NT5C3A: variants seen among roughly 807,000 people sequenced by gnomAD.
The protein encoded by NT5C3A is cytosolic 5'-nucleotidase 3A.
In NT5C3A, 23 loss-of-function variants were observed where a neutral mutation model predicts 40.0. That is an observed-to-expected ratio of 0.58 (90% CI 0.41 to 0.81). The LOEUF (loss-of-function observed/expected upper bound fraction) is 0.81. Among genes scored for constraint, NT5C3A ranks in the 40% least tolerant of loss-of-function variants. The pLI is 0.00. For synonymous variants in NT5C3A, 130 were observed against 141.4 expected (o/e 0.92, Z 0.57); for missense variants, 328 against 403.0 (o/e 0.81, Z 1.59).
Position 33,014,719 on chromosome 7 carries a change from A to T in NT5C3A, c.*11T>A, listed in dbSNP as rs1318115016. 8 of 1,611,164 alleles carry T rather than the reference A, an allele frequency of 5.0e-6. No individual in the cohort carries two copies. Among genetic ancestry groups the T allele is most frequent in the Non-Finnish European group, 6.8e-6 (8 of 1,179,196 alleles). ...ACCCACAGGAGAGAGGTCTTCTTGG[A>T]GAATGCTTGTTTATAGAATCTTCTG... On this transcript the variant is annotated 3_prime_UTR_variant, in exon 9 of 9. Transcript: ENST00000610140.
intron 1 of NT5C3A, among the ~76,000 whole-genome samples, chr7:33,056,071 T>C (rs978484148): frequency 2.6e-5 from 4 of 152,092 alleles, no homozygotes; most frequent in Non-Finnish European, 5.9e-5. Context: ...CATCATGTCA[T>C]TGCATTCCAG....
intron 1 of NT5C3A, chr7:33,045,840 G>C (rs1355192458): frequency 6.6e-6 from 1 of 152,030 alleles, no homozygotes; most frequent in Non-Finnish European, 1.5e-5. Context: ...TAGTACGGTG[G>C]CTATTCACAG....
Position 33,037,023 on chromosome 7 carries a change from G to A in NT5C3A, c.139-10108C>T, listed in dbSNP as rs556206860. ...GATGGGGTTTCACCATGTTGGCCAG[G>A]ATGGCCTCGATCTCCTGACCTCGTG... is the stretch of plus-strand genomic sequence containing the variant. On this transcript the variant is annotated intron_variant, in intron 1 of 8. Transcript: ENST00000610140. Among the ~76,000 whole-genome samples the A allele has an allele frequency of 5.0e-3, 765 of 152,178 alleles. 7 individuals carry two copies. The highest frequency in any genetic ancestry group is 7.8e-3 in the Non-Finnish European group (532 of 67,988).
chr7:33,032,406 G>A (rs1204636162), intron 1 of NT5C3A, among the ~76,000 whole-genome samples: 1 of 139,492 alleles, frequency 7.2e-6, no homozygotes, highest in Non-Finnish European at 1.5e-5. Context: ...CTGGGTGACA[G>A]AGTGAGACTC....
At chr7:33,039,181 ACAAGT>A (rs1037205471) in intron 1 of NT5C3A, among the ~76,000 whole-genome samples, 1 of 152,166 alleles carries the variant, frequency 6.6e-6, no homozygotes, top group Non-Finnish European at 1.5e-5. Flanking sequence ...ATGATAGTTT[ACAAGT>A]CAATTAATGA....
chr7:33,055,349 C>T lies in NT5C3A; in HGVS notation c.138+7219G>A, dbSNP rs554535996. On this transcript the variant is annotated intron_variant, in intron 1 of 8. Transcript: ENST00000610140. ...AAAAAAAAAGAAGACAGAAGCTGTT[C>T]TGAGTTTGTGTTCTCTACTGCTGTA... Among the ~76,000 whole-genome samples the T allele has an allele frequency of 1.1e-4, 16 of 151,908 alleles. No homozygotes were observed. In the South Asian group the frequency reaches 1.7e-3, roughly 16 times the overall value.
chr7:33,046,974 T>A (rs1236006261), intron 1 of NT5C3A, among the ~76,000 whole-genome samples: 1 of 75,928 alleles, frequency 1.3e-5, no homozygotes, highest in African/African-American at 6.3e-5. Flanking sequence ...TGGCTTCTTT[T>A]TTTTTTTTTT....
chr7:33,046,606 A>G (rs972120457), intron 1 of NT5C3A, among the ~76,000 whole-genome samples: 3 of 152,210 alleles, frequency 2.0e-5, no homozygotes, highest in Admixed American at 2.0e-4. Context: ...GTTGAACATG[A>G]ACTATATCTT....
At chr7:33,026,353 G>GAAAAAAAAAAAAA (rs1226260693) in intron 2 of NT5C3A, among the ~76,000 whole-genome samples, 4 of 94,172 alleles carry the variant, frequency 4.2e-5, no homozygotes, top group Admixed American at 1.5e-4. Context: ...CATCTCAAAA[G>GAAAAAAAAAAAAA]AAAAAAAAAA....
In NT5C3A at chr7:33,026,714, G is replaced by A. The variant is rs72555737; in HGVS notation, c.237+103C>T. Reference sequence around the variant, plus strand: ...TCACTATGTTGCCCAGGCTGGTCTCGAACTCCTGGGCTCAAGTGATCCTCC... The same window carrying A: ...TCACTATGTTGCCCAGGCTGGTCTCAAACTCCTGGGCTCAAGTGATCCTCC... On this transcript the variant is annotated intron_variant, in intron 2 of 8. Transcript: ENST00000610140. 2.0e-3 allele frequency: 1,552 copies of A among 782,520 alleles called. 16 individuals carry two copies. In the African/African-American group the frequency reaches 0.021, roughly 11 times the overall value. The allele number at this position is 782,520 out of a possible 1,614,324, so 48.5% of individuals were successfully genotyped here.
intron 1 of NT5C3A, chr7:33,038,975 A>C: frequency 2.3e-6 from 1 of 441,302 alleles, no homozygotes; most frequent in South Asian, 1.6e-5. Context: ...AGAGTCTTTA[A>C]ATGTGAACTG....
At chr7:33,018,000 C>T (rs1002106045) in intron 6 of NT5C3A, among the ~76,000 whole-genome samples, 13 of 152,182 alleles carry the variant, frequency 8.5e-5, no homozygotes, top group African/African-American at 1.7e-4. Context: ...GGCAACATAG[C>T]GAGACCCTGT....
chr7:33,027,132 C>T (rs1415522523), intron 1 of NT5C3A: 4 of 442,486 alleles, frequency 9.0e-6, no homozygotes, highest in Non-Finnish European at 1.6e-5. Context: ...TGCAGTGGCA[C>T]AATCCTAGCT....
intron 1 of NT5C3A, among the ~76,000 whole-genome samples, chr7:33,056,302 A>C (rs1787562968): frequency 6.6e-6 from 1 of 151,870 alleles, no homozygotes; most frequent in Non-Finnish European, 1.5e-5. Flanking sequence ...CATAAATCTA[A>C]GCACTGATAT....
chr7:33,062,517 G>A, intron 1 of NT5C3A, 51 bp downstream of exon 1: 1 of 1,529,468 alleles, frequency 6.5e-7, no homozygotes, highest in Non-Finnish European at 9.0e-7. Flanking sequence ...GCCAGCGGAC[G>A]GCCCAGCCGG....
chr7:33,033,902 T>G (rs1786433806), intron 1 of NT5C3A, among the ~76,000 whole-genome samples: 1 of 136,238 alleles, frequency 7.3e-6, no homozygotes, highest in Non-Finnish European at 1.5e-5. Context: ...ATAATTTTTT[T>G]TTTTTTTGAG....
At chr7:33,056,634 T>A (rs148356607) in intron 1 of NT5C3A, among the ~76,000 whole-genome samples, 197 of 152,114 alleles carry the variant, frequency 1.3e-3, no homozygotes, top group African/African-American at 4.6e-3. Flanking sequence ...ATCGCTTCAT[T>A]GCACTCCAGC....
intron 1 of NT5C3A, among the ~76,000 whole-genome samples, chr7:33,055,658 G>A (rs895937196): frequency 6.6e-6 from 1 of 152,188 alleles, no homozygotes; most frequent in Non-Finnish European, 1.5e-5. Context: ...AAAGACAAGG[G>A]AAATGTCAAA....
chr7:33,038,321 G>C (rs1248956117), intron 1 of NT5C3A, among the ~76,000 whole-genome samples: 1 of 152,060 alleles, frequency 6.6e-6, no homozygotes, highest in Non-Finnish European at 1.5e-5. Context: ...TACACATTCA[G>C]GTAGTAGAAA....
Sources: gnomAD v4.1 joint callset for allele counts (sites outside exome capture counted in the v4.1 genomes callset) on GRCh38, gnomAD v4.1.1 for gene constraint, MANE v1.5 for transcripts, NCBI Gene and HGNC (gene_info 2026-07-23, HGNC 2026-07-21) for gene names.